Variants in PRMT8 observed in about 807,000 individuals in gnomAD.
PRMT8 encodes the protein protein arginine N-methyltransferase 8.
A neutral mutation model predicts 47.1 loss-of-function variants in PRMT8; 7 were observed. That is an observed-to-expected ratio of 0.15 (90% CI 0.08 to 0.28). The LOEUF (loss-of-function observed/expected upper bound fraction) is 0.28, where lower values mean the gene tolerates loss of function less well. PRMT8 is among the 10% of genes least tolerant of loss of function. The pLI is 1.00. For synonymous variants in PRMT8, 188 were observed against 186.5 expected (o/e 1.01, Z -0.07); for missense variants, 237 against 505.4 (o/e 0.47, Z 5.09).
chr12:3,414,675 G>A (rs1457939285), intron 1 of PRMT8, among the ~76,000 whole-genome samples: 1 of 152,106 alleles, frequency 6.6e-6, no homozygotes, highest in Non-Finnish European at 1.5e-5. Context: ...GAAGGGCAGT[G>A]TATGCAGAGG....
chr12:3,548,361 T>TAAAAAAA (rs1361261752), intron 2 of PRMT8, among the ~76,000 whole-genome samples: 1 of 151,496 alleles, frequency 6.6e-6, no homozygotes, highest in Non-Finnish European at 1.5e-5. Flanking sequence ...AAAACTGCTT[T>TAAAAAAA]AAAAAAAGAA....
intron 5 of PRMT8, 31 bp downstream of exon 5, chr12:3,568,879 G>A (rs757065061): frequency 3.1e-6 from 5 of 1,612,664 alleles, no homozygotes; most frequent in Non-Finnish European, 3.4e-6. Flanking sequence ...CCCCGCGTTG[G>A]CCGGCTGGCT....
rs576258294 is a variant in PRMT8, at chr12:3,505,054, T to C, written c.75+13354T>C. ...CAGGTGAGGCAATGCCTCGCCCTGC[T>C]TCGGCTCGCGCACGGTGCGCACACA... On this transcript the variant is annotated intron_variant, in intron 1 of 9. Transcript: ENST00000382622. 1.2e-4 allele frequency among the ~76,000 whole-genome samples: 17 copies of C among 139,480 alleles called. No homozygotes were observed. In the South Asian group the frequency reaches 3.7e-3, roughly 30 times the overall value. 91.5% of individuals were successfully genotyped at this position (139,480 alleles called of 152,430 possible).
chr12:3,543,075 T>C (rs111863874), intron 2 of PRMT8, among the ~76,000 whole-genome samples: 4 of 152,360 alleles, frequency 2.6e-5, no homozygotes, highest in African/African-American at 9.6e-5. Context: ...GCAGGGGACT[T>C]AGAGTATAAG....
chr12:3,426,150 A>G (rs943322711), intron 1 of PRMT8, among the ~76,000 whole-genome samples: 1 of 152,212 alleles, frequency 6.6e-6, no homozygotes, highest in African/African-American at 2.4e-5. Context: ...GGGTGACTGG[A>G]GGACCACCCT....
intron 1 of PRMT8, among the ~76,000 whole-genome samples, chr12:3,389,524 C>T (rs929422444): frequency 6.6e-6 from 1 of 152,144 alleles, no homozygotes; most frequent in Non-Finnish European, 1.5e-5. Context: ...TGTCCTCCTA[C>T]CATATGCCAG....
chr12:3,522,653 A>G (rs1865897266), intron 1 of PRMT8, among the ~76,000 whole-genome samples: 1 of 151,158 alleles, frequency 6.6e-6, no homozygotes, highest in African/African-American at 2.4e-5. Context: ...TCCATTAAAA[A>G]AAAAAAAAAA....
intron 1 of PRMT8, among the ~76,000 whole-genome samples, chr12:3,474,501 C>G (rs770186304): frequency 1.3e-5 from 2 of 152,150 alleles, no homozygotes; most frequent in South Asian, 2.1e-4. Flanking sequence ...ACCCGATGCT[C>G]TCTGCTCCAG....
chr12:3,477,178 C>T (rs1169346708), intron 1 of PRMT8, among the ~76,000 whole-genome samples: 1 of 152,182 alleles, frequency 6.6e-6, no homozygotes, highest in Non-Finnish European at 1.5e-5. Context: ...TTTTTAGAAA[C>T]CTGTTTCCTG....
At position 3,521,190 on chromosome 12, in the gene PRMT8, G is replaced by A. The variant is rs1244172667; in HGVS notation, c.76-19416G>A. Among the ~76,000 whole-genome samples, 3 of 152,270 alleles carry A rather than the reference G, an allele frequency of 2.0e-5. No homozygotes were observed. The East Asian group carries it at 5.8e-4, about 29-fold the overall frequency. ...CTCCCTGATGGGAGAGAACTAATAA[G>A]CAAACCCATAATAAGAGAACTAACA... On this transcript the variant is annotated intron_variant, in intron 1 of 9. Coordinates refer to ENST00000382622, the MANE Select transcript of PRMT8 (RefSeq NM_019854.5).
chr12:3,554,235 CG>C (rs1866484462), intron 4 of PRMT8, among the ~76,000 whole-genome samples: 1 of 152,184 alleles, frequency 6.6e-6, no homozygotes, highest in African/African-American at 2.4e-5. Flanking sequence ...TAGAGAGGGG[CG>C]TCCCTTCCCT....
intron 1 of PRMT8, among the ~76,000 whole-genome samples, chr12:3,412,348 A>G (rs906928263): frequency 2.0e-5 from 3 of 152,226 alleles, no homozygotes; most frequent in Non-Finnish European, 4.4e-5. Context: ...CAGTGAGTGA[A>G]TGGTGAGTAA....
chr12:3,473,527 C>A (rs1232914548), intron 1 of PRMT8, among the ~76,000 whole-genome samples: 1 of 152,088 alleles, frequency 6.6e-6, no homozygotes, highest in Non-Finnish European at 1.5e-5. Flanking sequence ...CCAATCAATA[C>A]TTTCTCCTTG....
At chr12:3,588,040 A>G (rs1205854065) in intron 8 of PRMT8, among the ~76,000 whole-genome samples, 4 of 152,190 alleles carry the variant, frequency 2.6e-5, no homozygotes, top group Non-Finnish European at 5.9e-5. Context: ...GTAATCCAGG[A>G]AAGCCAGGTA....
At chr12:3,486,283 T>TTA (rs556908886), upstream of PRMT8, among the ~76,000 whole-genome samples, 240 of 151,762 alleles carry the variant, frequency 1.6e-3, 3 homozygotes, top group African/African-American at 5.0e-3. Flanking sequence ...ATTGATTATA[T>TTA]TATATATATA....
intron 1 of PRMT8, among the ~76,000 whole-genome samples, chr12:3,468,770 C>T (rs75789203): frequency 3.9e-5 from 6 of 152,222 alleles, no homozygotes; most frequent in Non-Finnish European, 8.8e-5. Context: ...AGCAAGCAGG[C>T]AATGTCCCTG....
intron 1 of PRMT8, among the ~76,000 whole-genome samples, chr12:3,422,813 A>G (rs949961057): frequency 4.6e-5 from 7 of 152,196 alleles, no homozygotes; most frequent in Non-Finnish European, 7.3e-5. Context: ...AATTTGGCAT[A>G]AGACAGTATG....
At chr12:3,402,759 C>T (rs201416546) in intron 1 of PRMT8, among the ~76,000 whole-genome samples, 9 of 152,118 alleles carry the variant, frequency 5.9e-5, no homozygotes, top group East Asian at 3.9e-4. Context: ...AAATCAAAAC[C>T]ACAATGAGAT....
intron 1 of PRMT8, among the ~76,000 whole-genome samples, chr12:3,509,416 T>C (rs1246726582): frequency 5.9e-5 from 9 of 152,212 alleles, no homozygotes; most frequent in African/African-American, 1.7e-4. Context: ...TGTTATCCTA[T>C]AGTACCAGTT....
Sources: allele counts gnomAD v4.1 joint callset (sites outside exome capture counted in the v4.1 genomes callset), GRCh38; gene constraint gnomAD v4.1.1; transcripts MANE v1.5; gene names NCBI Gene and HGNC (gene_info 2026-07-23, HGNC 2026-07-21).